The following RUNX2 variants were observed in gnomAD, a reference collection of about 807,000 sequenced individuals.
RUNX2 encodes runt-related transcription factor 2.
RUNX2 carries 10 observed loss-of-function variants against 51.7 expected under a neutral mutation model. The ratio of observed to expected loss-of-function variants is 0.19; its 90% CI spans 0.12 to 0.33. RUNX2 has a LOEUF of 0.33. Ranked by LOEUF, RUNX2 falls within the 10% of genes least tolerant of loss-of-function variation. The pLI is 1.00. For synonymous variants in RUNX2, 276 were observed against 273.6 expected (o/e 1.01, Z -0.09); for missense variants, 562 against 691.3 (o/e 0.81, Z 2.10).
At chr6:45,518,308 G>A (rs1257313670) in intron 7 of RUNX2, among the ~76,000 whole-genome samples, 3 of 152,194 alleles carry the variant, frequency 2.0e-5, no homozygotes, top group East Asian at 3.8e-4. Flanking sequence ...AAAATTGAAT[G>A]TTCCGTATTC....
chr6:45,526,710 T>C (rs996540866), intron 7 of RUNX2, among the ~76,000 whole-genome samples: 3 of 152,260 alleles, frequency 2.0e-5, no homozygotes, highest in Non-Finnish European at 4.4e-5. Context: ...TGGAACTTTT[T>C]CTATTGGCAT....
At chr6:45,419,929 C>T (rs1798143689) in intron 2 of RUNX2, among the ~76,000 whole-genome samples, 1 of 149,550 alleles carries the variant, frequency 6.7e-6, no homozygotes, top group Non-Finnish European at 1.5e-5. Flanking sequence ...GCGGGAGGGG[C>T]GCGGCTTGGG....
chr6:45,427,395 T>C (rs1256455299), intron 3 of RUNX2, among the ~76,000 whole-genome samples: 1 of 152,210 alleles, frequency 6.6e-6, no homozygotes, highest in East Asian at 1.9e-4. Context: ...ATCTTTGACA[T>C]ATATATTTTT....
At chr6:45,381,428 CT>C (rs1364812208) in intron 2 of RUNX2, among the ~76,000 whole-genome samples, 1 of 149,650 alleles carries the variant, frequency 6.7e-6, no homozygotes, top group African/African-American at 2.5e-5. Flanking sequence ...CAGGGCTTTT[CT>C]TTTTTTTTTC....
At chr6:45,402,312 A>C (rs938718123) in intron 2 of RUNX2, among the ~76,000 whole-genome samples, 15 of 152,250 alleles carry the variant, frequency 9.9e-5, no homozygotes, top group African/African-American at 3.6e-4. Flanking sequence ...CAAAAATCAT[A>C]TACCATAAGT....
chr6:45,459,107 C>A (rs1204512161), intron 5 of RUNX2, among the ~76,000 whole-genome samples: 1 of 152,126 alleles, frequency 6.6e-6, no homozygotes, highest in African/African-American at 2.4e-5. Flanking sequence ...TAGTCTCAAC[C>A]CTTACTCTTC....
intron 3 of RUNX2, among the ~76,000 whole-genome samples, chr6:45,424,060 C>T (rs573226909): frequency 2.6e-5 from 4 of 152,380 alleles, no homozygotes; most frequent in African/African-American, 4.8e-5. Context: ...GTGAGAGGCT[C>T]CTGCTGGTGG....
At chr6:45,431,798 A>T in intron 3 of RUNX2, 65 bp from the exon 4 acceptor site, 2 of 1,545,456 alleles carry the variant, frequency 1.3e-6, no homozygotes, top group Non-Finnish European at 1.8e-6. Context: ...TGCAATGAGA[A>T]TATATTCTGT....
chr6:45,454,401 G>T (rs1799262677), intron 5 of RUNX2, among the ~76,000 whole-genome samples: 1 of 152,202 alleles, frequency 6.6e-6, no homozygotes, highest in Non-Finnish European at 1.5e-5. Context: ...GAGATTTGTG[G>T]CACAAACTGA....
At chr6:45,435,989 A>G (rs1414080456) in intron 4 of RUNX2, among the ~76,000 whole-genome samples, 1 of 152,206 alleles carries the variant, frequency 6.6e-6, no homozygotes, top group Non-Finnish European at 1.5e-5. Context: ...AGTTTTCTGT[A>G]ACTAGTTTAG....
chr6:45,389,541 T>C (rs897335172), intron 2 of RUNX2, among the ~76,000 whole-genome samples: 1 of 152,206 alleles, frequency 6.6e-6, no homozygotes, highest in African/African-American at 2.4e-5. Flanking sequence ...CAGTGAGACA[T>C]TCTCCAATTA....
chr6:45,535,094 G>A (rs972691817), intron 7 of RUNX2, among the ~76,000 whole-genome samples: 4 of 152,148 alleles, frequency 2.6e-5, no homozygotes, highest in Admixed American at 1.3e-4. Context: ...CCTATTGGAC[G>A]GTGGAGGCTG....
At chr6:45,446,515 T>A (rs111417751) in intron 5 of RUNX2, among the ~76,000 whole-genome samples, 114 of 151,386 alleles carry the variant, frequency 7.5e-4, no homozygotes, top group African/African-American at 2.5e-3. Context: ...TTTTTTTTTT[T>A]AAATAATAAT....
intron 2 of RUNX2, among the ~76,000 whole-genome samples, chr6:45,343,922 T>G (rs1175953318): frequency 6.6e-6 from 1 of 152,218 alleles, no homozygotes; most frequent in Non-Finnish European, 1.5e-5. Context: ...GTCTACAGGC[T>G]TTCATTTTAT....
chr6:45,442,448 G>C (rs1456702272), intron 5 of RUNX2, among the ~76,000 whole-genome samples: 2 of 152,118 alleles, frequency 1.3e-5, no homozygotes, highest in Non-Finnish European at 2.9e-5. Flanking sequence ...TCCATCTGTG[G>C]ACTTGGTTCC....
At chr6:45,458,999 C>T (rs1799398767) in intron 5 of RUNX2, among the ~76,000 whole-genome samples, 2 of 152,080 alleles carry the variant, frequency 1.3e-5, no homozygotes, top group Non-Finnish European at 1.5e-5. Flanking sequence ...TGCCTTCTTC[C>T]TTCCCCTCTC....
At chr6:45,455,044 G>T (rs1163430340) in intron 5 of RUNX2, among the ~76,000 whole-genome samples, 5 of 152,170 alleles carry the variant, frequency 3.3e-5, no homozygotes, top group African/African-American at 1.2e-4. Context: ...AACCTGGGAG[G>T]TGGAGGCTGC....
At position 45,422,945 on chromosome 6, in the gene RUNX2, C is replaced by T. The variant is rs767207344; in HGVS notation, c.411C>T (p.Pro137=). ...PSHWRCNKTL[P]VAFKVVALGE... is the part of the protein sequence containing the mutation. ...ACTGGCGCTGCAACAAGACCCTGCC[C>T]GTGGCCTTCAAGGTAAGAGGCTACA... is the stretch of plus-strand genomic sequence containing the variant. Residue 137 remains proline (P), a synonymous_variant, in exon 3 of 9, where the codon CCC becomes CCT. Coordinates refer to ENST00000647337, the MANE Select transcript of RUNX2 (RefSeq NM_001024630.4). 2 of 1,611,398 alleles carry T rather than the reference C, an allele frequency of 1.2e-6. No individual in the cohort carries two copies.
In RUNX2 at chr6:45,422,665, C is replaced by T. The variant is rs1242010684; in HGVS notation, c.131C>T (p.Pro44Leu). ...LQPGKMSDVS[P>L]VVAAQQQQQQ... ...CCCGGCAAAATGAGCGACGTGAGCC[C>T]GGTGGTGGCTGCGCAACAGCAGCAG... The change falls in exon 3 of 9, where the codon CCG (proline) becomes CTG (leucine). Residue 44 changes from proline (P) to leucine (L), a missense_variant. By Grantham distance (98) the Pro-to-Leu change is moderately conservative. Coordinates refer to ENST00000647337, the MANE Select transcript of RUNX2 (RefSeq NM_001024630.4). 2 of 1,606,794 alleles carry T rather than the reference C, an allele frequency of 1.2e-6. No homozygotes were observed. The highest frequency in any genetic ancestry group is 1.7e-6 in the Non-Finnish European group (2 of 1,177,486).
Sources: gnomAD v4.1 joint callset for allele counts (sites outside exome capture counted in the v4.1 genomes callset) on GRCh38, gnomAD v4.1.1 for gene constraint, MANE v1.5 for transcripts, NCBI Gene and HGNC (gene_info 2026-07-23, HGNC 2026-07-21) for gene names.